Variants in SPEG observed in about 807,000 individuals in gnomAD.
SPEG encodes the protein striated muscle preferentially expressed protein kinase.
A neutral mutation model predicts 300.4 loss-of-function variants in SPEG; 114 were observed. That is an observed-to-expected ratio of 0.38 (90% CI 0.33 to 0.44). SPEG has a LOEUF of 0.44. Ranked by LOEUF, SPEG falls within the 20% of genes least tolerant of loss-of-function variation. The probability of loss-of-function intolerance (pLI) is 1.00; values close to 1 mark genes in which losing one functional copy is unlikely to be tolerated. For synonymous variants in SPEG, 1,964 were observed against 2,018.9 expected (o/e 0.97, Z 0.73); for missense variants, 4,201 against 4,586.2 (o/e 0.92, Z 2.43).
At chr2:219,469,718 T>C (rs540802549) in intron 13 of SPEG, among the ~76,000 whole-genome samples, 1 of 152,230 alleles carries the variant, frequency 6.6e-6, no homozygotes, top group Admixed American at 6.5e-5. Context: ...ACTAAATCAG[T>C]TAATGCATAT....
chr2:219,490,344 C>A, intron 36 of SPEG, 65 bp from the exon 37 acceptor site: 1 of 1,556,456 alleles, frequency 6.4e-7, no homozygotes, highest in South Asian at 1.2e-5. Context: ...CTCCGTTAGC[C>A]CTCACTATGG....
At position 219,451,023 on chromosome 2, in the gene SPEG, AGCCCCTCTGTC is replaced by A; in HGVS notation, c.2114-112_2114-102del. The A allele has an allele frequency of 9.1e-7, 1 of 1,095,224 alleles. No homozygotes were observed. Among genetic ancestry groups the A allele is most frequent in the Admixed American group, 2.8e-5 (1 of 35,728 alleles). The allele number at this position is 1,095,224 out of a possible 1,614,324, so 67.8% of individuals were successfully genotyped here. A position where few individuals can be genotyped will look rare whatever the true frequency, so the allele number is the denominator to read the frequency against. On this transcript the variant is annotated intron_variant, in intron 4 of 40. Coordinates refer to ENST00000312358, the MANE Select transcript of SPEG (RefSeq NM_005876.5). The surrounding 1 kb of genome is among the most constrained non-coding windows in gnomAD (Gnocchi z 6.4). ...TCTCCCCAAGTCCCTGCTTTCTAGA[AGCCCCTCTGTC>A]TGGGTTTGGCTTTCTAGGATGCAGG...
Position 219,473,624 on chromosome 2 carries a change from G to C in SPEG, c.4268G>C (p.Arg1423Thr). ...FNHVEAQVVW[R>T]SCRGALLEAR... ...CATGTGGAGGCCCAGGTCGTCTGGAGGAGGTGGGCCCCTTTCCCACATGTG... is the reference window on the plus strand; with the variant it reads ...CATGTGGAGGCCCAGGTCGTCTGGACGAGGTGGGCCCCTTTCCCACATGTG... Residue 1423 changes from arginine to threonine, a missense_variant, in exon 17 of 41, where the codon AGG (arginine) becomes ACG (threonine). Transcript: ENST00000312358. This position sits in a 1 kb window ranked among gnomAD's most constrained non-coding sequence, Gnocchi z 4.6. The C allele has an allele frequency of 6.2e-7, 1 of 1,614,198 alleles. No individual in the cohort carries two copies. The highest frequency in any genetic ancestry group is 8.5e-7 in the Non-Finnish European group (1 of 1,180,030).
In SPEG at chr2:219,472,302, AC is replaced by A. The variant is rs771765677; in HGVS notation, c.3918del (p.Arg1307GlyfsTer12). ...GGGAGGATGGTCACACTCACATGGA[AC>A]CCCCCCAGGAGTCTGGACATGGCCA... ...VTGRMVTLTW[N>X]PPRSLDMAID... On this transcript the variant is annotated frameshift_variant, in exon 15 of 41. Transcript: ENST00000312358. LOFTEE classifies it high-confidence loss of function. The A allele has an allele frequency of 6.2e-7, 1 of 1,612,616 alleles. No individual in the cohort carries two copies. The highest frequency in any genetic ancestry group is 8.5e-7 in the Non-Finnish European group (1 of 1,179,748).
Position 219,459,384 on chromosome 2 carries a change from G to A in SPEG, c.2441-2498G>A, listed in dbSNP as rs951236113. 2.0e-5 allele frequency among the ~76,000 whole-genome samples: 3 copies of A among 152,308 alleles called. No individual in the cohort carries two copies. The highest frequency in any genetic ancestry group is 6.5e-5 in the Admixed American group (1 of 15,302). Reference sequence around the variant, plus strand: ...GCCAGGGAAAAAACTAGGTGGCACCGGATTCTGGTATGGAGCCTCAGGAAT... The same window carrying A: ...GCCAGGGAAAAAACTAGGTGGCACCAGATTCTGGTATGGAGCCTCAGGAAT... On this transcript the variant is annotated intron_variant, in intron 6 of 40. Transcript: ENST00000312358. The surrounding 1 kb of genome is among the most constrained non-coding windows in gnomAD (Gnocchi z 4.9).
Position 219,481,680 on chromosome 2 carries a change from A to G in SPEG, c.5565A>G (p.Lys1855=). The change falls in exon 28 of 41, where the codon AAA becomes AAG. Residue 1855 remains lysine, a splice_region_variant and synonymous_variant. Transcript: ENST00000312358. The surrounding 1 kb of genome is among the most constrained non-coding windows in gnomAD (Gnocchi z 5.4). ...AEETLEHPWF[K]TQAKGAEVST... ...AGACCCTAGAACATCCTTGGTTCAA[A>G]GTGAGTCTAGTCTGCAAAGTGGTGG... 1 of 1,614,114 alleles carries G rather than the reference A, an allele frequency of 6.2e-7. No homozygotes were observed. Among genetic ancestry groups the G allele is most frequent in the Non-Finnish European group, 8.5e-7 (1 of 1,179,936 alleles).
chr2:219,491,798 G>T lies in SPEG; in HGVS notation c.9390G>T (p.Pro3130=), dbSNP rs12473286. The T allele has an allele frequency of 0.26, 424,679 of 1,611,190 alleles. 58,204 individuals are homozygous for T. Among genetic ancestry groups the T allele is most frequent in the South Asian group, 0.44 (39,813 of 90,938 alleles). Reference sequence around the variant, plus strand: ...TTGGCCTCTGTCTCCTGTCAGCTCCGGAGATGGTGAAGGGAGAACCCATCG... The same window carrying T: ...TTGGCCTCTGTCTCCTGTCAGCTCCTGAGATGGTGAAGGGAGAACCCATCG... ...HRTGTLEFMA[P]EMVKGEPIGS... The change falls in exon 39 of 41, where the codon CCG becomes CCT. Residue 3130 remains proline, a synonymous_variant. Coordinates refer to ENST00000312358, the MANE Select transcript of SPEG (RefSeq NM_005876.5).
chr2:219,453,746 G>A (rs1444795384), intron 6 of SPEG, among the ~76,000 whole-genome samples: 1 of 152,362 alleles, frequency 6.6e-6, no homozygotes, highest in East Asian at 1.9e-4. Context: ...GGGCAGGCAT[G>A]TGGGTCCAGA....
Position 219,479,045 on chromosome 2 carries a change from G to C in SPEG, c.5028-99G>C, listed in dbSNP as rs1489030606. The stretch of plus-strand genomic sequence containing the variant: ...CTGGCTAGTATCAAGCATTCTGTAA[G>C]GGGAAGGAGAACCCCGTGCTGAGCT... On this transcript the variant is annotated intron_variant, in intron 22 of 40. Coordinates refer to ENST00000312358, the MANE Select transcript of SPEG (RefSeq NM_005876.5). The surrounding 1 kb of genome is among the most constrained non-coding windows in gnomAD (Gnocchi z 5.5). 2.9e-6 allele frequency: 3 copies of C among 1,030,816 alleles called. No individual in the cohort carries two copies. In the East Asian group the frequency reaches 7.3e-5, roughly 25 times the overall value. The allele number at this position is 1,030,816 out of a possible 1,614,324, so 63.9% of individuals were successfully genotyped here.
At chr2:219,438,908 G>A (rs1575029744) in intron 1 of SPEG, among the ~76,000 whole-genome samples, 1 of 152,332 alleles carries the variant, frequency 6.6e-6, no homozygotes, top group South Asian at 2.1e-4. Flanking sequence ...CCTGTGTTGA[G>A]GAATATTCTG....
chr2:219,483,571 G>T lies in SPEG; in HGVS notation c.6108G>T (p.Ala2036=), dbSNP rs1386217462. The T allele has an allele frequency of 1.2e-5, 17 of 1,456,820 alleles. No homozygotes were observed. The highest frequency in any genetic ancestry group is 1.5e-5 in the African/African-American group (1 of 67,204). 90.2% of individuals were successfully genotyped at this position (1,456,820 alleles called of 1,614,324 possible). A position where few individuals can be genotyped will look rare whatever the true frequency, so the allele number is the denominator to read the frequency against. Reference sequence around the variant, plus strand: ...TGGGCCGGGGCCTGCACAAGGCGGCGTCTGTGGAGCTGCCGCAGCGCCGGA... The same window carrying T: ...TGGGCCGGGGCCTGCACAAGGCGGCTTCTGTGGAGCTGCCGCAGCGCCGGA... The part of the protein sequence containing the change: ...RELGRGLHKA[A]SVELPQRRSP... The change falls in exon 30 of 41, where the codon GCG becomes GCT. Residue 2036 remains alanine, a synonymous_variant. Transcript: ENST00000312358.
In SPEG at chr2:219,468,968, T is replaced by C. The variant is rs1370218498; in HGVS notation, c.3411T>C (p.Ser1137=). The stretch of plus-strand genomic sequence containing the variant: ...AGGACGAGGGGCTCTATGCGGTCAG[T>C]GCTGTTAACACCCATGGCCAGGCCC... ...GSEDEGLYAV[S]AVNTHGQAHC... The change falls in exon 12 of 41, where the codon AGT becomes AGC. Residue 1137 remains serine (S), a synonymous_variant. Coordinates refer to ENST00000312358, the MANE Select transcript of SPEG (RefSeq NM_005876.5). 1.2e-6 allele frequency: 2 copies of C among 1,613,954 alleles called. No homozygotes were observed. The highest frequency in any genetic ancestry group is 1.7e-5 in the Admixed American group (1 of 60,028).
In SPEG at chr2:219,482,819, C is replaced by T. The variant is rs1051315127; in HGVS notation, c.5601C>T (p.His1867=). Residue 1867 remains histidine, a synonymous_variant, in exon 29 of 41, where the codon CAC becomes CAT. Coordinates refer to ENST00000312358, the MANE Select transcript of SPEG (RefSeq NM_005876.5). The stretch of plus-strand genomic sequence containing the variant: ...AGGGCGCAGAGGTGAGCACGGATCA[C>T]CTGAAGCTATTCCTCTCCCGGCGGA... ...QAKGAEVSTD[H]LKLFLSRRRW... 1.9e-6 allele frequency: 3 copies of T among 1,613,946 alleles called. No homozygotes were observed. Among genetic ancestry groups the T allele is most frequent in the Non-Finnish European group, 2.5e-6 (3 of 1,179,970 alleles).
intron 10 of SPEG, among the ~76,000 whole-genome samples, chr2:219,467,996 A>T (rs771269840): frequency 4.6e-5 from 7 of 152,200 alleles, no homozygotes; most frequent in Non-Finnish European, 8.8e-5. Context: ...AAGGGCAGAG[A>T]TTATGGCACC....
chr2:219,493,395 T>C lies in SPEG; in HGVS notation c.*609T>C. The C allele has an allele frequency of 2.7e-6, 1 of 368,550 alleles. No individual in the cohort carries two copies. The highest frequency in any genetic ancestry group is 2.0e-5 in the South Asian group (1 of 49,930). 22.8% of individuals were successfully genotyped at this position (368,550 alleles called of 1,614,324 possible). On this transcript the variant is annotated 3_prime_UTR_variant, in exon 41 of 41. Coordinates refer to ENST00000312358, the MANE Select transcript of SPEG (RefSeq NM_005876.5). ...GCTGGAGGCCAGCAGTCACTCACAC[T>C]CGCTCTGTCCTCCTGTCCAGTGGAT...
intron 6 of SPEG, chr2:219,460,528 C>G (rs1190507006): frequency 7.1e-6 from 7 of 985,438 alleles, no homozygotes; most frequent in Non-Finnish European, 8.4e-6. Context: ...GGGACGGAGG[C>G]CCCACACCTT....
intron 4 of SPEG, chr2:219,450,652 T>G (rs1193817782): frequency 6.6e-6 from 1 of 152,628 alleles, no homozygotes; most frequent in Non-Finnish European, 1.5e-5. Flanking sequence ...CCATTCACTC[T>G]TTTGAATCTG....
At chr2:219,465,989 G>A in intron 9 of SPEG, 1 of 1,356,056 alleles carries the variant, frequency 7.4e-7, no homozygotes, top group Non-Finnish European at 1.0e-6. Flanking sequence ...ATGTGTGTGT[G>A]TGCGCGTGCG....
chr2:219,465,301 C>A (rs1427715683), intron 9 of SPEG: 1 of 153,210 alleles, frequency 6.5e-6, no homozygotes, highest in Non-Finnish European at 1.5e-5. Context: ...CCTCACCCTT[C>A]GCCTCAATGG....
Sources: gnomAD v4.1 joint callset for allele counts (sites outside exome capture counted in the v4.1 genomes callset) on GRCh38, gnomAD v4.1.1 for gene constraint, Gnocchi (gnomAD v3.1) non-coding constraint, MANE v1.5 for transcripts, NCBI Gene and HGNC (gene_info 2026-07-23, HGNC 2026-07-21) for gene names.